ZNF638: variants seen among roughly 807,000 people sequenced by gnomAD.
The protein encoded by ZNF638 is CTCL tumor antigen se33-1.
A neutral mutation model predicts 195.6 loss-of-function variants in ZNF638; 46 were observed. That is an observed-to-expected ratio of 0.24 (90% CI 0.19 to 0.30). The LOEUF (loss-of-function observed/expected upper bound fraction) is 0.30, where lower values mean the gene tolerates loss of function less well. ZNF638 is among the 10% of genes least tolerant of loss of function. ZNF638 has a pLI of 1.00. For synonymous variants in ZNF638, 845 were observed against 772.0 expected, an observed-to-expected ratio of 1.09 and a Z score of -1.57; for missense variants, 2,440 against 2,325.3, an observed-to-expected ratio of 1.05 and a Z score of -1.01.
At chr2:71,362,562 A>C (rs1026910424) in intron 3 of ZNF638, among the ~76,000 whole-genome samples, 1 of 152,106 alleles carries the variant, frequency 6.6e-6, no homozygotes, top group South Asian at 2.1e-4. Context: ...CATCATGTCT[A>C]TGCTGTAGCC....
chr2:71,427,990 G>A (rs969427441), intron 24 of ZNF638, among the ~76,000 whole-genome samples: 12 of 152,056 alleles, frequency 7.9e-5, no homozygotes, highest in African/African-American at 2.4e-4. Flanking sequence ...CCAGGAGTGC[G>A]ACACCAGTCT....
intron 9 of ZNF638, 73 bp from the exon 10 acceptor site, chr2:71,380,440 A>C (rs1177279302): frequency 9.4e-6 from 13 of 1,378,274 alleles, no homozygotes; most frequent in Middle Eastern, 4.3e-4. Flanking sequence ...TTAGGTTTAA[A>C]TATTACATTT....
intron 1 of ZNF638, among the ~76,000 whole-genome samples, chr2:71,347,174 A>G (rs2078864849): frequency 6.6e-6 from 1 of 152,122 alleles, no homozygotes; most frequent in African/African-American, 2.4e-5. Context: ...AGATGAAGAG[A>G]TTTGGGAAGA....
chr2:71,373,436 A>ATTTT (rs1294904851), intron 8 of ZNF638, among the ~76,000 whole-genome samples: 1 of 102,752 alleles, frequency 9.7e-6, no homozygotes, highest in African/African-American at 3.7e-5. Flanking sequence ...ATCAAGTTTG[A>ATTTT]ATTTTTTTTT....
intron 2 of ZNF638, 130 bp downstream of exon 2, chr2:71,350,401 A>C: frequency 3.3e-6 from 3 of 920,656 alleles, no homozygotes; most frequent in Non-Finnish European, 4.9e-6. Context: ...TTGCAACCTC[A>C]ATACATAGTT....
chr2:71,397,714 G>A (rs1466997113), intron 11 of ZNF638, among the ~76,000 whole-genome samples: 2 of 152,014 alleles, frequency 1.3e-5, no homozygotes, highest in Non-Finnish European at 2.9e-5. Flanking sequence ...TCCTAATTTC[G>A]AAGTTAAATC....
intron 8 of ZNF638, among the ~76,000 whole-genome samples, chr2:71,377,229 T>C (rs2079447371): frequency 6.6e-6 from 1 of 152,038 alleles, no homozygotes; most frequent in African/African-American, 2.4e-5. Flanking sequence ...TGAGACCCTA[T>C]CTCAACAAAA....
chr2:71,374,436 T>G (rs1295553285), intron 8 of ZNF638, among the ~76,000 whole-genome samples: 1 of 152,216 alleles, frequency 6.6e-6, no homozygotes, highest in Non-Finnish European at 1.5e-5. Context: ...AGAGTTATTT[T>G]TCTTTGTTTA....
At chr2:71,382,728 TATAAA>T (rs1296005821) in intron 10 of ZNF638, among the ~76,000 whole-genome samples, 3 of 152,176 alleles carry the variant, frequency 2.0e-5, no homozygotes, top group African/African-American at 7.2e-5. Context: ...AAATATTAAA[TATAAA>T]ATAAACATTA....
intron 2 of ZNF638, among the ~76,000 whole-genome samples, chr2:71,350,488 A>G (rs2104182508): frequency 6.6e-6 from 1 of 152,288 alleles, no homozygotes; most frequent in East Asian, 1.9e-4. Flanking sequence ...GGCACACCAT[A>G]TTTTAGTAGT....
chr2:71,346,202 C>T (rs1241144725), intron 1 of ZNF638, among the ~76,000 whole-genome samples: 9 of 152,188 alleles, frequency 5.9e-5, no homozygotes, highest in African/African-American at 2.2e-4. Context: ...TAAGAGGAGT[C>T]TTCACCAAAT....
intron 10 of ZNF638, among the ~76,000 whole-genome samples, chr2:71,390,114 C>T (rs530740938): frequency 3.6e-4 from 55 of 152,224 alleles, no homozygotes; most frequent in Middle Eastern, 3.4e-3. Context: ...ATGCCCCCGA[C>T]GTAGAAAGGG....
At chr2:71,406,102 C>T in intron 18 of ZNF638, 26 bp from the exon 19 acceptor site, 2 of 1,610,056 alleles carry the variant, frequency 1.2e-6, no homozygotes, top group African/African-American at 2.7e-5. Flanking sequence ...GTGGTTTTTT[C>T]TGTGCTGTCT....
intron 21 of ZNF638, among the ~76,000 whole-genome samples, chr2:71,419,974 C>CCCCCCTTTTTTT (rs1189202093): frequency 1.1e-4 from 3 of 27,022 alleles, no homozygotes; most frequent in African/African-American, 4.8e-4. Flanking sequence ...CCCCCCCCGC[C>CCCCCCTTTTTTT]TTTTTTTTTT....
chr2:71,338,310 C>T (rs1325012196), intron 1 of ZNF638, among the ~76,000 whole-genome samples: 1 of 152,218 alleles, frequency 6.6e-6, no homozygotes, highest in African/African-American at 2.4e-5. Context: ...GTAGTAGGTA[C>T]TCAGCACTCT....
At chr2:71,399,409 A>G (rs1418359456) in intron 12 of ZNF638, 150 bp from the exon 13 acceptor site, 3 of 601,044 alleles carry the variant, frequency 5.0e-6, no homozygotes, top group Non-Finnish European at 8.8e-6. Context: ...TTACTGGGAA[A>G]GAGGTACTGA....
At chr2:71,363,866 G>GTT in intron 4 of ZNF638, 88 bp from the exon 5 acceptor site, 2 of 1,448,672 alleles carry the variant, frequency 1.4e-6, no homozygotes, top group South Asian at 2.8e-5. Flanking sequence ...TTAACAGTCT[G>GTT]TTTTTAACAA....
At chr2:71,350,373 GGCA>G (rs2078919944) in intron 2 of ZNF638, 102 bp downstream of exon 2, 1 of 1,198,732 alleles carries the variant, frequency 8.3e-7, no homozygotes, top group African/African-American at 1.5e-5. Flanking sequence ...TTAAGGAAAT[GGCA>G]GAAGGTAATT....
chr2:71,423,783 A>T lies in ZNF638; in HGVS notation c.4269A>T (p.Arg1423Ser), dbSNP rs767116241. 3 of 1,614,070 alleles carry T rather than the reference A, an allele frequency of 1.9e-6. No homozygotes were observed. In the South Asian group the frequency reaches 3.3e-5, roughly 18 times the overall value. ...AAAGTTTTCCAAAATCTGTGCCCAG[A>T]GATCAAATAAATGCTGAAAAGAAAC... ...NQKSFPKSVP[R>S]DQINAEKKLS... Residue 1423 changes from arginine to serine, a missense_variant, in exon 22 of 28, where the codon AGA becomes AGT. Physicochemically the swap from Arg to Ser is moderately radical, Grantham distance 110. This residue lies in a region of ZNF638 where 1,883 missense variants were observed against 1,739.1 expected (regional missense o/e 1.08). Coordinates refer to ENST00000264447, the MANE Select transcript of ZNF638 (RefSeq NM_014497.5).
Sources: allele counts gnomAD v4.1 joint callset (sites outside exome capture counted in the v4.1 genomes callset), GRCh38; gene constraint gnomAD v4.1.1; regional missense constraint gnomAD v4.1.1; transcripts MANE v1.5; gene names NCBI Gene and HGNC (gene_info 2026-07-23, HGNC 2026-07-21).